Variants in GRM5 observed in about 807,000 individuals in gnomAD.
GRM5 encodes the protein glutamate metabotropic receptor 5.
GRM5 carries 19 observed loss-of-function variants against 83.1 expected under a neutral mutation model. The ratio of observed to expected loss-of-function variants is 0.23; its 90% CI spans 0.16 to 0.34. The LOEUF (loss-of-function observed/expected upper bound fraction) is 0.34, where lower values mean the gene tolerates loss of function less well. GRM5 is among the 10% of genes least tolerant of loss of function. GRM5 has a pLI of 1.00. For synonymous variants in GRM5, 675 were observed against 633.6 expected, an observed-to-expected ratio of 1.07 and a Z score of -0.98; for missense variants, 1,160 against 1,588.3, an observed-to-expected ratio of 0.73 and a Z score of 4.58.
chr11:89,033,008 A>G (rs1364500190), intron 2 of GRM5, among the ~76,000 whole-genome samples: 2 of 152,044 alleles, frequency 1.3e-5, no homozygotes, highest in Non-Finnish European at 2.9e-5. Flanking sequence ...CCTAATTTCC[A>G]AAGTACTGTA....
intron 3 of GRM5, among the ~76,000 whole-genome samples, chr11:88,796,729 A>G (rs1430824307): frequency 6.6e-6 from 1 of 152,180 alleles, no homozygotes; most frequent in Non-Finnish European, 1.5e-5. Flanking sequence ...ACTGATAAAA[A>G]TGCTCTTGAG....
intron 1 of GRM5, among the ~76,000 whole-genome samples, chr11:89,051,786 C>G (rs181148853): frequency 6.6e-6 from 1 of 152,286 alleles, no homozygotes; most frequent in African/African-American, 2.4e-5. Flanking sequence ...TGGAACAATT[C>G]AATCTTAGAA....
At chr11:89,019,154 T>G (rs1267955599) in intron 2 of GRM5, among the ~76,000 whole-genome samples, 1 of 152,210 alleles carries the variant, frequency 6.6e-6, no homozygotes, top group Non-Finnish European at 1.5e-5. Flanking sequence ...TCGGGTATTT[T>G]GTAGAATGTC....
intron 2 of GRM5, among the ~76,000 whole-genome samples, chr11:88,884,041 C>A (rs1237243108): frequency 6.6e-6 from 1 of 152,144 alleles, no homozygotes; most frequent in East Asian, 1.9e-4. Context: ...CACTAGGGCA[C>A]TGCCTAGTGG....
chr11:88,682,560 A>AT (rs67179003), intron 3 of GRM5, among the ~76,000 whole-genome samples: 56 of 147,534 alleles, frequency 3.8e-4, no homozygotes, highest in African/African-American at 4.0e-4. Flanking sequence ...CAACTGAAAC[A>AT]TTTTTTTTTT....
intron 3 of GRM5, among the ~76,000 whole-genome samples, chr11:88,688,530 T>G (rs1192156040): frequency 6.6e-6 from 1 of 152,192 alleles, no homozygotes; most frequent in East Asian, 1.9e-4. Flanking sequence ...TAAATTTTAA[T>G]AAGGCCTATT....
rs553470936 is a variant in GRM5 at position 88,971,743 on chromosome 11, T to G, written c.661+75469A>C. On this transcript the variant is annotated intron_variant, in intron 2 of 9. Coordinates refer to ENST00000305447, the MANE Select transcript of GRM5 (RefSeq NM_001143831.3). ...ACTGTGAATAGTGCATAAATAGATT[T>G]TTTTTATCTGACTCTCTTTAGAGGA... Among the ~76,000 whole-genome samples the G allele has an allele frequency of 3.3e-5, 5 of 152,270 alleles. No homozygotes were observed. In the South Asian group the frequency reaches 1.0e-3, roughly 32 times the overall value.
intron 4 of GRM5, among the ~76,000 whole-genome samples, chr11:88,635,208 A>C (rs1295940930): frequency 6.6e-6 from 1 of 152,138 alleles, no homozygotes; most frequent in Non-Finnish European, 1.5e-5. Context: ...TTGCTGTATC[A>C]TAAGGTAGTT....
chr11:88,671,996 A>G (rs1940207696), intron 3 of GRM5, among the ~76,000 whole-genome samples: 1 of 152,086 alleles, frequency 6.6e-6, no homozygotes, highest in South Asian at 2.1e-4. Flanking sequence ...TAGTCAAGAA[A>G]TTTATAATGC....
At chr11:88,543,892 G>A (rs1942330496) in intron 8 of GRM5, among the ~76,000 whole-genome samples, 1 of 152,064 alleles carries the variant, frequency 6.6e-6, no homozygotes, top group Non-Finnish European at 1.5e-5. Context: ...AAGTTCACGT[G>A]TTGAAAACTT....
At chr11:88,984,574 A>G (rs144236201) in intron 2 of GRM5, 2 of 450,318 alleles carry the variant, frequency 4.4e-6, no homozygotes, top group Non-Finnish European at 4.0e-6. Context: ...GCTAATTAGC[A>G]ATATCTTTAT....
intron 3 of GRM5, among the ~76,000 whole-genome samples, chr11:88,750,192 C>A (rs955841414): frequency 3.3e-5 from 5 of 152,058 alleles, no homozygotes; most frequent in African/African-American, 1.2e-4. Flanking sequence ...TTAAGAGACC[C>A]ATCTCACATG....
intron 3 of GRM5, among the ~76,000 whole-genome samples, chr11:88,777,217 C>G (rs578175774): frequency 1.3e-5 from 2 of 152,308 alleles, no homozygotes; most frequent in East Asian, 3.9e-4. Flanking sequence ...GTTTCTTCCA[C>G]CTGATTGAAT....
chr11:88,693,849 T>A (rs943436264), intron 3 of GRM5, among the ~76,000 whole-genome samples: 1 of 142,482 alleles, frequency 7.0e-6, no homozygotes, highest in Non-Finnish European at 1.5e-5. Flanking sequence ...GTGGGAAAAA[T>A]ACATTCCTAA....
At chr11:88,701,430 G>A (rs1169419340) in intron 3 of GRM5, among the ~76,000 whole-genome samples, 1 of 152,094 alleles carries the variant, frequency 6.6e-6, no homozygotes, top group Non-Finnish European at 1.5e-5. Flanking sequence ...AAGGGTTCTT[G>A]GAAGAGTGAG....
At chr11:88,970,730 C>T (rs1939141999) in intron 2 of GRM5, among the ~76,000 whole-genome samples, 2 of 152,246 alleles carry the variant, frequency 1.3e-5, no homozygotes, top group East Asian at 1.9e-4. Context: ...ATAAATTTGT[C>T]TTCCTTTTTC....
chr11:88,757,836 T>C (rs1000495202), intron 3 of GRM5, among the ~76,000 whole-genome samples: 6 of 152,088 alleles, frequency 3.9e-5, no homozygotes, highest in Non-Finnish European at 7.4e-5. Context: ...GCACCTCCCA[T>C]TGATGTTTAG....
chr11:89,023,774 C>T (rs1376742387), intron 2 of GRM5, among the ~76,000 whole-genome samples: 2 of 150,796 alleles, frequency 1.3e-5, no homozygotes, highest in Admixed American at 1.3e-4. Context: ...TGCTTGAACC[C>T]AGGAGGCGGA....
At chr11:88,773,090 T>A (rs1030069835) in intron 3 of GRM5, among the ~76,000 whole-genome samples, 5 of 152,234 alleles carry the variant, frequency 3.3e-5, no homozygotes, top group African/African-American at 9.6e-5. Flanking sequence ...TTCCTATTTC[T>A]CCACATCCTC....
Sources: allele counts gnomAD v4.1 joint callset (sites outside exome capture counted in the v4.1 genomes callset), GRCh38; gene constraint gnomAD v4.1.1; transcripts MANE v1.5; gene names NCBI Gene and HGNC (gene_info 2026-07-23, HGNC 2026-07-21).